CNTN5: variants seen among roughly 807,000 people sequenced by gnomAD.
CNTN5 encodes contactin 5, also known as contactin-5.
A neutral mutation model predicts 129.1 loss-of-function variants in CNTN5; 77 were observed. The observed-to-expected ratio is 0.60, with a 90% CI of 0.50 to 0.72. CNTN5 has a LOEUF of 0.72. Among genes scored for constraint, CNTN5 ranks in the 30% least tolerant of loss-of-function variants. The pLI is 0.00. For synonymous variants in CNTN5, 509 were observed against 465.6 expected (o/e 1.09, Z -1.20); for missense variants, 1,478 against 1,328.8 (o/e 1.11, Z -1.75).
At chr11:99,998,145 T>C (rs1312388862) in intron 8 of CNTN5, among the ~76,000 whole-genome samples, 1 of 151,598 alleles carries the variant, frequency 6.6e-6, no homozygotes, top group African/African-American at 2.4e-5. Context: ...GTGTTGGAAG[T>C]TCTGGGCAGG....
chr11:99,542,978 T>A (rs946233937), intron 2 of CNTN5, among the ~76,000 whole-genome samples: 5 of 152,188 alleles, frequency 3.3e-5, no homozygotes, highest in African/African-American at 1.2e-4. Context: ...AGGCCATAGG[T>A]CCTCCTTTTC....
chr11:100,131,148 C>T (rs746227976), intron 13 of CNTN5, among the ~76,000 whole-genome samples: 1 of 151,892 alleles, frequency 6.6e-6, no homozygotes, highest in Non-Finnish European at 1.5e-5. Context: ...AGAGGTTTTC[C>T]CTGGCTTTTG....
At chr11:99,442,596 A>T (rs577796965) in intron 2 of CNTN5, among the ~76,000 whole-genome samples, 16 of 151,960 alleles carry the variant, frequency 1.1e-4, no homozygotes, top group Non-Finnish European at 2.2e-4. Context: ...ATTTGGTGTG[A>T]CTCTATTCGT....
chr11:99,864,251 C>A lies in CNTN5; in HGVS notation c.577+18989C>A, dbSNP rs79577865. Among the ~76,000 whole-genome samples the A allele has an allele frequency of 7.0e-3, 1,059 of 152,154 alleles. 58 individuals are homozygous for A. The East Asian group carries it at 0.12, about 18-fold the overall frequency. ...CATTTATCCTTCTACCAGATATTAA[C>A]TGAACACTTAGAATGAAAGAGATAC... On this transcript the variant is annotated intron_variant, in intron 6 of 24. Transcript: ENST00000524871.
At chr11:100,133,610 A>G (rs1946442377) in intron 13 of CNTN5, among the ~76,000 whole-genome samples, 1 of 152,134 alleles carries the variant, frequency 6.6e-6, no homozygotes, top group South Asian at 2.1e-4. Context: ...GCAATTCACC[A>G]AGAACCATGT....
At chr11:99,504,787 T>G (rs1946557126) in intron 2 of CNTN5, among the ~76,000 whole-genome samples, 1 of 152,128 alleles carries the variant, frequency 6.6e-6, no homozygotes, top group Admixed American at 6.5e-5. Flanking sequence ...ACTTAACCAC[T>G]TGTGATTAGA....
At chr11:99,580,472 G>T (rs7936910) in intron 3 of CNTN5, among the ~76,000 whole-genome samples, 12,081 of 151,946 alleles carry the variant, frequency 0.08, 801 homozygotes, top group African/African-American at 0.18. Flanking sequence ...GACTTTTTTT[G>T]GTTGGTAATC....
intron 8 of CNTN5, among the ~76,000 whole-genome samples, chr11:99,957,473 T>C (rs1026084246): frequency 1.3e-5 from 2 of 152,202 alleles, no homozygotes; most frequent in African/African-American, 4.8e-5. Context: ...ATAGGAGCAG[T>C]TGGAACTGTA....
At chr11:99,265,566 T>G (rs1467433790) in intron 1 of CNTN5, among the ~76,000 whole-genome samples, 1 of 152,078 alleles carries the variant, frequency 6.6e-6, no homozygotes, top group East Asian at 1.9e-4. Flanking sequence ...GTAGAAATAT[T>G]TGATGTCTTG....
intron 1 of CNTN5, among the ~76,000 whole-genome samples, chr11:99,130,260 T>C (rs571095461): frequency 4.6e-5 from 7 of 152,116 alleles, no homozygotes; most frequent in Non-Finnish European, 8.8e-5. Flanking sequence ...AATAAAAAGA[T>C]GGAGGGAGAT....
At chr11:99,181,109 CA>C (rs1858036043) in intron 1 of CNTN5, among the ~76,000 whole-genome samples, 1 of 152,098 alleles carries the variant, frequency 6.6e-6, no homozygotes, top group South Asian at 2.1e-4. Context: ...GTACCACCAC[CA>C]GGGGGTCTGG....
At position 100,312,955 on chromosome 11, in the gene CNTN5, T is replaced by C. The variant is rs533726674; in HGVS notation, c.2730+4487T>C. Among the ~76,000 whole-genome samples, 3 of 152,116 alleles carry C rather than the reference T, an allele frequency of 2.0e-5. No homozygotes were observed. In the South Asian group the frequency reaches 6.2e-4, roughly 32 times the overall value. The stretch of plus-strand genomic sequence containing the variant: ...AACACATAAGTAATAAGATAAACTC[T>C]GATAACAATACACATAGAGGGTCAA... On this transcript the variant is annotated intron_variant, in intron 21 of 24. Coordinates refer to ENST00000524871, the MANE Select transcript of CNTN5 (RefSeq NM_014361.4).
chr11:100,294,986 C>T (rs1425835624), intron 18 of CNTN5, among the ~76,000 whole-genome samples: 1 of 151,528 alleles, frequency 6.6e-6, no homozygotes, highest in Non-Finnish European at 1.5e-5. Context: ...AACACTGTGC[C>T]CATGACAACA....
chr11:99,652,446 G>A (rs1952193234), intron 3 of CNTN5, among the ~76,000 whole-genome samples: 2 of 151,992 alleles, frequency 1.3e-5, no homozygotes, highest in South Asian at 4.1e-4. Context: ...ATGATTCAGA[G>A]GTTCTCCCAA....
intron 18 of CNTN5, among the ~76,000 whole-genome samples, chr11:100,292,178 C>G (rs891538345): frequency 6.6e-5 from 10 of 151,974 alleles, no homozygotes; most frequent in Non-Finnish European, 1.3e-4. Context: ...TGCTCTGGTA[C>G]TTTCCAGGTC....
intron 1 of CNTN5, among the ~76,000 whole-genome samples, chr11:99,140,464 T>TATTTTATTTA (rs779200642): frequency 6.6e-6 from 1 of 151,866 alleles, no homozygotes; most frequent in African/African-American, 2.4e-5. Flanking sequence ...GGATGCCTTT[T>TATTTTATTTA]ATTTTATTTT....
intron 13 of CNTN5, among the ~76,000 whole-genome samples, chr11:100,169,424 C>T (rs1273780374): frequency 1.3e-5 from 2 of 151,958 alleles, no homozygotes; most frequent in East Asian, 3.9e-4. Context: ...TGAGTATTTG[C>T]CACTAGTCAG....
intron 1 of CNTN5, among the ~76,000 whole-genome samples, chr11:99,113,375 G>T (rs987026392): frequency 6.6e-6 from 1 of 152,062 alleles, no homozygotes; most frequent in Non-Finnish European, 1.5e-5. Context: ...CATCTTGAGT[G>T]TGGGAAGTTT....
At chr11:99,783,719 A>G (rs950351617) in intron 3 of CNTN5, among the ~76,000 whole-genome samples, 5 of 148,620 alleles carry the variant, frequency 3.4e-5, no homozygotes, top group East Asian at 4.1e-4. Flanking sequence ...CTACCGCAAG[A>G]ACAAAAACCC....
Sources: allele counts gnomAD v4.1 joint callset (sites outside exome capture counted in the v4.1 genomes callset), GRCh38; gene constraint gnomAD v4.1.1; transcripts MANE v1.5; gene names NCBI Gene and HGNC (gene_info 2026-07-23, HGNC 2026-07-21).